Variants in ARMH3 observed in about 807,000 individuals in gnomAD.
The protein encoded by ARMH3 is armadillo-like helical domain-containing protein 3.
A neutral mutation model predicts 99.1 loss-of-function variants in ARMH3; 60 were observed. That is an observed-to-expected ratio of 0.61 (90% CI 0.49 to 0.75). ARMH3 has a LOEUF of 0.75. ARMH3 is among the 30% of genes least tolerant of loss of function. ARMH3 has a pLI of 0.00. For synonymous variants in ARMH3, 285 were observed against 292.8 expected, an observed-to-expected ratio of 0.97 and a Z score of 0.27; for missense variants, 679 against 843.1, an observed-to-expected ratio of 0.81 and a Z score of 2.41.
At chr10:101,958,405 A>G (rs1012835206) in intron 20 of ARMH3, among the ~76,000 whole-genome samples, 1 of 152,250 alleles carries the variant, frequency 6.6e-6, no homozygotes, top group East Asian at 1.9e-4. Flanking sequence ...CTCAATAAAG[A>G]GACTGACTGC....
chr10:101,880,301 C>T (rs1034514954), intron 24 of ARMH3, among the ~76,000 whole-genome samples: 1 of 152,166 alleles, frequency 6.6e-6, no homozygotes, highest in African/African-American at 2.4e-5. Context: ...TGAGAAAACA[C>T]CACAGGAATT....
intron 19 of ARMH3, among the ~76,000 whole-genome samples, chr10:101,978,141 G>A (rs1336143886): frequency 6.6e-6 from 1 of 152,150 alleles, no homozygotes; most frequent in Non-Finnish European, 1.5e-5. Flanking sequence ...CATATCAAAT[G>A]AACATAGATT....
At chr10:101,941,003 G>A (rs1001521733) in intron 22 of ARMH3, among the ~76,000 whole-genome samples, 1 of 152,194 alleles carries the variant, frequency 6.6e-6, no homozygotes, top group Non-Finnish European at 1.5e-5. Context: ...AGCTTACTAT[G>A]TGCCAGGCAC....
intron 23 of ARMH3, among the ~76,000 whole-genome samples, chr10:101,896,275 G>A (rs923109547): frequency 6.6e-6 from 1 of 152,172 alleles, no homozygotes; most frequent in African/African-American, 2.4e-5. Flanking sequence ...AATAACAAGT[G>A]TTGGCAAGGA....
chr10:101,974,980 G>A (rs1845924594), intron 20 of ARMH3, among the ~76,000 whole-genome samples: 1 of 142,292 alleles, frequency 7.0e-6, no homozygotes, highest in African/African-American at 2.6e-5. Flanking sequence ...GGAAGGGGAA[G>A]GAACAAGGGA....
chr10:102,016,365 T>G (rs924541361), intron 8 of ARMH3, among the ~76,000 whole-genome samples: 5 of 152,220 alleles, frequency 3.3e-5, no homozygotes, highest in African/African-American at 1.2e-4. Context: ...ACCTGTATTT[T>G]TTCTCCTGGG....
chr10:101,975,551 C>T (rs1421746274), intron 19 of ARMH3, among the ~76,000 whole-genome samples: 1 of 151,930 alleles, frequency 6.6e-6, no homozygotes, highest in African/African-American at 2.4e-5. Context: ...GCCAACATGG[C>T]AAAACCCCAT....
chr10:101,919,618 G>A (rs1274934510), intron 23 of ARMH3, among the ~76,000 whole-genome samples: 1 of 152,100 alleles, frequency 6.6e-6, no homozygotes, highest in Non-Finnish European at 1.5e-5. Context: ...ACAGTGGTTT[G>A]TTCTTTACTG....
intron 23 of ARMH3, among the ~76,000 whole-genome samples, chr10:101,936,213 G>A (rs539023239): frequency 6.6e-6 from 1 of 152,214 alleles, no homozygotes; most frequent in South Asian, 2.1e-4. Flanking sequence ...AGAAAAATTG[G>A]CCGGGTGCGG....
At chr10:101,961,373 C>T (rs1845294722) in intron 20 of ARMH3, among the ~76,000 whole-genome samples, 1 of 152,018 alleles carries the variant, frequency 6.6e-6, no homozygotes, top group South Asian at 2.1e-4. Flanking sequence ...GTCAGTGTTG[C>T]CTTCTTCAAA....
chr10:101,904,408 T>A (rs1467721683), intron 23 of ARMH3, among the ~76,000 whole-genome samples: 6 of 151,558 alleles, frequency 4.0e-5, no homozygotes, highest in Non-Finnish European at 8.8e-5. Context: ...CAGTGAGGAG[T>A]TTTTTTTAAG....
intron 23 of ARMH3, among the ~76,000 whole-genome samples, chr10:101,935,645 G>A (rs375692911): frequency 1.3e-5 from 2 of 152,144 alleles, no homozygotes; most frequent in East Asian, 3.8e-4. Context: ...AGTCTGGAAG[G>A]CCTCACAGCT....
At chr10:101,944,241 C>CCTATATAT (rs1301366602) in intron 22 of ARMH3, among the ~76,000 whole-genome samples, 1 of 22,990 alleles carries the variant, frequency 4.3e-5, no homozygotes, top group African/African-American at 2.3e-4. Context: ...ATTGCTTGAG[C>CCTATATAT]CTATATATAT....
intron 24 of ARMH3, among the ~76,000 whole-genome samples, chr10:101,855,449 C>T (rs1291069798): frequency 6.6e-6 from 1 of 151,428 alleles, no homozygotes; most frequent in Non-Finnish European, 1.5e-5. Flanking sequence ...GTGGCTCACT[C>T]CTATAATCTC....
At chr10:101,969,069 A>C (rs1220098986) in intron 20 of ARMH3, among the ~76,000 whole-genome samples, 1 of 152,194 alleles carries the variant, frequency 6.6e-6, no homozygotes, top group Non-Finnish European at 1.5e-5. Context: ...AATGAGGAAG[A>C]GCAATTTTAA....
In ARMH3 at chr10:101,888,825, C is replaced by G. The variant is rs2067617775; in HGVS notation, c.1860+587G>C. On this transcript the variant is annotated intron_variant, in intron 24 of 25. Coordinates refer to ENST00000370033, the MANE Select transcript of ARMH3 (RefSeq NM_024541.3). ...GCCTCATCTGTACTTTTATATAATGCAGAGCTGAGTGCAGGCACTCTGGGA... is the reference window on the plus strand; with the variant it reads ...GCCTCATCTGTACTTTTATATAATGGAGAGCTGAGTGCAGGCACTCTGGGA... 3.3e-5 allele frequency among the ~76,000 whole-genome samples: 5 copies of G among 152,318 alleles called. No individual in the cohort carries two copies. The South Asian group carries it at 8.3e-4, about 25-fold the overall frequency.
intron 24 of ARMH3, among the ~76,000 whole-genome samples, chr10:101,887,590 CT>C (rs2067579713): frequency 2.2e-5 from 3 of 134,434 alleles, no homozygotes; most frequent in African/African-American, 5.5e-5. Context: ...CTCTCTCTCT[CT>C]CTTTTTTTTT....
intron 24 of ARMH3, among the ~76,000 whole-genome samples, chr10:101,868,073 GACTTC>G (rs1246832762): frequency 1.1e-4 from 17 of 152,030 alleles, no homozygotes; most frequent in African/African-American, 3.1e-4. Flanking sequence ...TGTTGTGCAT[GACTTC>G]ACAGGATTTA....
At chr10:102,021,272 G>C (rs2066879032) in intron 8 of ARMH3, among the ~76,000 whole-genome samples, 1 of 151,950 alleles carries the variant, frequency 6.6e-6, no homozygotes, top group African/African-American at 2.4e-5. Context: ...TATAGATGGA[G>C]TTTTGCCATG....
Sources: allele counts gnomAD v4.1 joint callset (sites outside exome capture counted in the v4.1 genomes callset), GRCh38; gene constraint gnomAD v4.1.1; transcripts MANE v1.5; gene names NCBI Gene and HGNC (gene_info 2026-07-23, HGNC 2026-07-21).